Variants in ATP6V1H observed in about 807,000 individuals in gnomAD.
ATP6V1H encodes V-type proton ATPase subunit H.
A neutral mutation model predicts 71.7 loss-of-function variants in ATP6V1H; 39 were observed. That is an observed-to-expected ratio of 0.54 (90% CI 0.42 to 0.71). ATP6V1H has a LOEUF of 0.71. Ranked by LOEUF, ATP6V1H falls within the 30% of genes least tolerant of loss-of-function variation. ATP6V1H has a pLI of 0.00. For synonymous variants in ATP6V1H, 192 were observed against 199.3 expected (o/e 0.96, Z 0.31); for missense variants, 509 against 594.9 (o/e 0.86, Z 1.50).
At chr8:53,795,521 C>A in intron 9 of ATP6V1H, 126 bp downstream of exon 9, 1 of 841,844 alleles carries the variant, frequency 1.2e-6, no homozygotes, top group Non-Finnish European at 1.9e-6. Flanking sequence ...ACTCTATATT[C>A]ACCAAGACTC....
At chr8:53,729,430 GCAAGCCAGT>G (rs1291234854) in intron 13 of ATP6V1H, among the ~76,000 whole-genome samples, 3 of 152,156 alleles carry the variant, frequency 2.0e-5, no homozygotes, top group African/African-American at 7.2e-5. Context: ...GGGATCCATG[GCAAGCCAGT>G]CCCCCAACGT....
chr8:53,757,350 T>C (rs367798385), intron 11 of ATP6V1H, among the ~76,000 whole-genome samples: 2 of 152,278 alleles, frequency 1.3e-5, no homozygotes, highest in East Asian at 3.9e-4. Context: ...TGGGTGCAGC[T>C]ACCCAAGATG....
At chr8:53,832,948 C>A in intron 3 of ATP6V1H, 36 bp downstream of exon 3, 2 of 1,406,942 alleles carry the variant, frequency 1.4e-6, no homozygotes, top group Non-Finnish European at 1.0e-6. Context: ...TTGGATGACA[C>A]GGGGAAGTGT....
chr8:53,761,342 A>C lies in ATP6V1H; in HGVS notation c.1176-4686T>G, dbSNP rs143597437. On this transcript the variant is annotated intron_variant, in intron 11 of 13. Coordinates refer to ENST00000359530, the MANE Select transcript of ATP6V1H (RefSeq NM_015941.4). The stretch of plus-strand genomic sequence containing the variant: ...ACAGAGCGAGACTCCGTCTCAAAAA[A>C]AAAAAAAAGAAAAATACCATATACC... 2.4e-3 allele frequency among the ~76,000 whole-genome samples: 372 copies of C among 152,194 alleles called. 5 individuals are homozygous for C. Among genetic ancestry groups the C allele is most frequent in the African/African-American group, 8.6e-3 (359 of 41,528 alleles).
At chr8:53,785,238 T>C (rs1318406198) in intron 9 of ATP6V1H, among the ~76,000 whole-genome samples, 1 of 152,230 alleles carries the variant, frequency 6.6e-6, no homozygotes, top group Non-Finnish European at 1.5e-5. Context: ...TGTTCATTTC[T>C]TTTCACTCTT....
chr8:53,755,294 CATTCCAATAGCT>C (rs1430345574), intron 12 of ATP6V1H, among the ~76,000 whole-genome samples: 1 of 152,214 alleles, frequency 6.6e-6, no homozygotes, highest in East Asian at 1.9e-4. Flanking sequence ...CTATGTGCCC[CATTCCAATAGCT>C]AACTTCACTA....
At chr8:53,729,026 C>A (rs781532688) in intron 13 of ATP6V1H, among the ~76,000 whole-genome samples, 3 of 152,108 alleles carry the variant, frequency 2.0e-5, no homozygotes, top group Non-Finnish European at 2.9e-5. Context: ...ATAATTAATA[C>A]AATTAGTCTT....
intron 9 of ATP6V1H, among the ~76,000 whole-genome samples, chr8:53,794,851 G>A (rs1052028958): frequency 1.3e-5 from 2 of 152,138 alleles, no homozygotes; most frequent in Admixed American, 6.5e-5. Context: ...ACAATAACAT[G>A]TTATAGAGCT....
rs77551857 is a variant in ATP6V1H, at chr8:53,717,542, G to A, written c.1392-1518C>T. ...ATATTCTTGTGCTACCAGGAACTAC[G>A]CTGACATAATTTAGACAATGGGATC... On this transcript the variant is annotated intron_variant, in intron 13 of 13. Coordinates refer to ENST00000359530, the MANE Select transcript of ATP6V1H (RefSeq NM_015941.4). Among the ~76,000 whole-genome samples, 1,332 of 152,290 alleles carry A rather than the reference G, an allele frequency of 8.7e-3. 3 individuals carry two copies. The highest frequency in any genetic ancestry group is 0.016 in the African/African-American group (646 of 41,570).
At chr8:53,757,433 C>T (rs971415904) in intron 11 of ATP6V1H, among the ~76,000 whole-genome samples, 1 of 152,162 alleles carries the variant, frequency 6.6e-6, no homozygotes, top group Non-Finnish European at 1.5e-5. Context: ...GAAAGGACTA[C>T]CTTCCTCATG....
intron 11 of ATP6V1H, among the ~76,000 whole-genome samples, chr8:53,761,275 T>C (rs1808264390): frequency 6.6e-6 from 1 of 151,098 alleles, no homozygotes; most frequent in Admixed American, 6.6e-5. Flanking sequence ...AGGTGGAGCT[T>C]GCAGTGAGCC....
intron 4 of ATP6V1H, 121 bp downstream of exon 4, chr8:53,829,323 T>G (rs558935535): frequency 1.6e-6 from 1 of 639,566 alleles, no homozygotes; most frequent in South Asian, 1.8e-5. Context: ...ATGAGAAAAA[T>G]ATATTATTAT....
intron 7 of ATP6V1H, among the ~76,000 whole-genome samples, chr8:53,804,105 A>G (rs1206227767): frequency 1.3e-5 from 2 of 152,216 alleles, no homozygotes; most frequent in Non-Finnish European, 2.9e-5. Flanking sequence ...CCTAAATCTG[A>G]CATACTCTCT....
chr8:53,756,335 G>T (rs1808061942), intron 12 of ATP6V1H: 1 of 322,346 alleles, frequency 3.1e-6, no homozygotes, highest in East Asian at 4.9e-5. Flanking sequence ...GCCTGCCTCG[G>T]CCTCCCAAAG....
intron 7 of ATP6V1H, among the ~76,000 whole-genome samples, chr8:53,807,872 G>A (rs368260111): frequency 2.8e-4 from 42 of 152,208 alleles, no homozygotes; most frequent in Middle Eastern, 3.4e-3. Context: ...CACTCACACC[G>A]GCAACACTTC....
intron 13 of ATP6V1H, among the ~76,000 whole-genome samples, chr8:53,741,692 G>A (rs1807418176): frequency 1.3e-5 from 2 of 152,206 alleles, no homozygotes; most frequent in Admixed American, 1.3e-4. Flanking sequence ...ATGTTTTACT[G>A]ACAGACCTGA....
intron 12 of ATP6V1H, among the ~76,000 whole-genome samples, chr8:53,753,560 G>T (rs1807877957): frequency 1.3e-5 from 2 of 152,190 alleles, no homozygotes; most frequent in Middle Eastern, 3.2e-3. Context: ...GCTGTGAGAA[G>T]ATGAATTCTT....
chr8:53,762,405 C>T (rs1370812557), intron 11 of ATP6V1H, among the ~76,000 whole-genome samples: 1 of 151,960 alleles, frequency 6.6e-6, no homozygotes, highest in Non-Finnish European at 1.5e-5. Flanking sequence ...AAAATAATAT[C>T]AATTCCCCCT....
chr8:53,784,721 A>T (rs1381700562), intron 9 of ATP6V1H, among the ~76,000 whole-genome samples: 1 of 152,176 alleles, frequency 6.6e-6, no homozygotes, highest in Non-Finnish European at 1.5e-5. Context: ...GAGCTCTTGT[A>T]GGGCAGGCCT....
Sources: allele counts gnomAD v4.1 joint callset (sites outside exome capture counted in the v4.1 genomes callset), GRCh38; gene constraint gnomAD v4.1.1; transcripts MANE v1.5; gene names NCBI Gene and HGNC (gene_info 2026-07-23, HGNC 2026-07-21).